ARAP2: variants seen among roughly 807,000 people sequenced by gnomAD.
ARAP2 encodes the protein ArfGAP with RhoGAP domain, ankyrin repeat and PH domain 2.
In ARAP2, 148 loss-of-function variants were observed where a neutral mutation model predicts 194.5. That is an observed-to-expected ratio of 0.76 (90% confidence interval 0.67 to 0.87). The LOEUF is 0.87. ARAP2 is among the 40% of genes least tolerant of loss of function. The pLI is 0.00. For synonymous variants in ARAP2, 695 were observed against 683.5 expected (o/e 1.02, Z -0.26); for missense variants, 2,128 against 1,989.7 (o/e 1.07, Z -1.32).
At chr4:36,111,543 T>C (rs1719987587) in intron 26 of ARAP2, among the ~76,000 whole-genome samples, 1 of 152,008 alleles carries the variant, frequency 6.6e-6, no homozygotes, top group African/African-American at 2.4e-5. Flanking sequence ...TGTTTATACA[T>C]TGACACATTC....
rs73809156 is a variant in ARAP2, at chr4:36,222,002, T to A, written c.905+6580A>T. On this transcript the variant is annotated intron_variant, in intron 2 of 32. Coordinates refer to ENST00000303965, the MANE Select transcript of ARAP2 (RefSeq NM_015230.4). ...GAAAGCCAAGATTCAAGATCAATTT[T>A]GTCTTTCTTTTCTACTATTTTACCA... Among the ~76,000 whole-genome samples the A allele has an allele frequency of 6.2e-3, 950 of 152,290 alleles. 9 individuals are homozygous for A. The highest frequency in any genetic ancestry group is 0.022 in the African/African-American group (903 of 41,582).
At chr4:36,207,527 T>G (rs73809152) in intron 6 of ARAP2, among the ~76,000 whole-genome samples, 1 of 152,342 alleles carries the variant, frequency 6.6e-6, no homozygotes, top group African/African-American at 2.4e-5. Flanking sequence ...TAACCAAATA[T>G]TGGGCAATGC....
intron 5 of ARAP2, among the ~76,000 whole-genome samples, chr4:36,031,377 C>T (rs1718922011): frequency 6.6e-6 from 1 of 152,158 alleles, no homozygotes; most frequent in Admixed American, 6.5e-5. Flanking sequence ...CGAATGCCTT[C>T]TTATACTAAG....
In ARAP2 at chr4:36,014,312, A is replaced by AG. The variant is rs1560264807; in HGVS notation, n.1056+1073_1056+1074insC. Among the ~76,000 whole-genome samples, 127 of 76,976 alleles carry AG rather than the reference A, an allele frequency of 1.6e-3. 1 individual carries two copies. The highest frequency in any genetic ancestry group is 1.9e-3 in the Non-Finnish European group (73 of 37,700). The allele number at this position is 76,976 out of a possible 152,430, so 50.5% of individuals were successfully genotyped here. A position where few individuals can be genotyped will look rare whatever the true frequency, so the allele number is the denominator to read the frequency against. ...AAGAAAGAAAGAAGAGAAGGAAGGA[A>AG]AGAAAGAAAGAGAGAAAGAAAGAAA... On this transcript the variant is annotated intron_variant and non_coding_transcript_variant, in intron 8 of 12. Coordinates refer to the ARAP2 transcript ENST00000503225.
chr4:36,159,591 TATG>T, intron 13 of ARAP2, 86 bp from the exon 14 acceptor site: 1 of 1,194,972 alleles, frequency 8.4e-7, no homozygotes, highest in Non-Finnish European at 1.1e-6. Context: ...TAATTTCATG[TATG>T]GGATAAAGTC....
chr4:36,167,182 T>C (rs1735477062), intron 9 of ARAP2, 135 bp from the exon 10 acceptor site: 1 of 588,294 alleles, frequency 1.7e-6, no homozygotes, highest in Non-Finnish European at 2.9e-6. Context: ...GTAGCCACTC[T>C]CAATACATAA....
chr4:36,011,633 A>G (rs767516052), intron 9 of ARAP2, among the ~76,000 whole-genome samples: 1 of 152,150 alleles, frequency 6.6e-6, no homozygotes, highest in African/African-American at 2.4e-5. Context: ...ATGGCTTGAG[A>G]AGAACACATA....
chr4:36,032,577 TTTA>T (rs760293867), intron 5 of ARAP2, among the ~76,000 whole-genome samples: 106 of 152,318 alleles, frequency 7.0e-4, no homozygotes, highest in Admixed American at 3.0e-3. Flanking sequence ...TAATGAAGCA[TTTA>T]TTATTAACTG....
chr4:36,153,719 G>A (rs1281430979), intron 15 of ARAP2, among the ~76,000 whole-genome samples: 1 of 152,160 alleles, frequency 6.6e-6, no homozygotes. Context: ...TACCTTGATT[G>A]TCAGCTACAG....
At chr4:36,155,384 G>A (rs1732011130) in intron 15 of ARAP2, among the ~76,000 whole-genome samples, 1 of 152,180 alleles carries the variant, frequency 6.6e-6, no homozygotes, top group Non-Finnish European at 1.5e-5. Flanking sequence ...GTGCCAGAGA[G>A]GCCTCACTAA....
intron 2 of ARAP2, among the ~76,000 whole-genome samples, chr4:36,224,135 GTACT>G (rs1413272448): frequency 2.7e-5 from 4 of 149,420 alleles, no homozygotes; most frequent in African/African-American, 4.9e-5. Flanking sequence ...CTTATGAACT[GTACT>G]TACTTACTAC....
At chr4:36,208,524 CAA>C (rs1746057744) in intron 6 of ARAP2, among the ~76,000 whole-genome samples, 1 of 152,176 alleles carries the variant, frequency 6.6e-6, no homozygotes, top group Non-Finnish European at 1.5e-5. Flanking sequence ...CTATCTGCAT[CAA>C]AGAGACACGC....
At chr4:36,210,235 GGCA>G (rs1204215113) in intron 6 of ARAP2, among the ~76,000 whole-genome samples, 152 bp downstream of exon 6, 33 of 152,084 alleles carry the variant, frequency 2.2e-4, no homozygotes, top group Non-Finnish European at 5.9e-5. Flanking sequence ...GAATAGCACT[GGCA>G]AAAGTGTGCT....
chr4:36,174,019 AATTT>A (rs1737258210), intron 9 of ARAP2, among the ~76,000 whole-genome samples: 1 of 152,188 alleles, frequency 6.6e-6, no homozygotes, highest in African/African-American at 2.4e-5. Flanking sequence ...CCAGAAACCT[AATTT>A]ATTTATTTGA....
intron 16 of ARAP2, 143 bp from the exon 17 acceptor site, chr4:36,148,650 T>C (rs1208995289): frequency 1.1e-5 from 7 of 637,552 alleles, no homozygotes; most frequent in Middle Eastern, 3.8e-4. Flanking sequence ...CTGTTAATGG[T>C]TTGCATTTTA....
chr4:36,074,937 G>A (rs1424861616), intron 31 of ARAP2, among the ~76,000 whole-genome samples: 1 of 152,060 alleles, frequency 6.6e-6, no homozygotes, highest in African/African-American at 2.4e-5. Flanking sequence ...ATCTTACAGT[G>A]CAGATCCTTT....
chr4:36,121,386 GA>G (rs1210801432), intron 22 of ARAP2, 60 bp from the exon 23 acceptor site: 5 of 1,456,540 alleles, frequency 3.4e-6, no homozygotes, highest in Non-Finnish European at 4.6e-6. Flanking sequence ...TCATAGAACA[GA>G]AAGCCAGTTT....
intron 24 of ARAP2, among the ~76,000 whole-genome samples, 163 bp downstream of exon 24, chr4:36,119,487 G>C (rs948015652): frequency 6.7e-6 from 1 of 150,310 alleles, no homozygotes; most frequent in African/African-American, 2.4e-5. Context: ...TTGCATATAT[G>C]TATCAGGTTG....
At chr4:36,035,080 C>T (rs891854182) in intron 5 of ARAP2, among the ~76,000 whole-genome samples, 4 of 152,020 alleles carry the variant, frequency 2.6e-5, no homozygotes, top group African/African-American at 4.8e-5. Context: ...GTTTTGGTAT[C>T]AGGATGACGC....
Sources: gnomAD v4.1 joint callset for allele counts (sites outside exome capture counted in the v4.1 genomes callset) on GRCh38, gnomAD v4.1.1 for gene constraint, MANE v1.5 for transcripts, NCBI Gene and HGNC (gene_info 2026-07-23, HGNC 2026-07-21) for gene names.